Variants in ZMYM4 observed in about 807,000 individuals in gnomAD.
ZMYM4 encodes zinc finger MYM-type containing 4.
ZMYM4 carries 31 observed loss-of-function variants against 183.2 expected under a neutral mutation model. The ratio of observed to expected loss-of-function variants is 0.17; its 90% CI spans 0.13 to 0.23. The LOEUF (loss-of-function observed/expected upper bound fraction) is 0.23. Ranked by LOEUF, ZMYM4 falls within the 10% of genes least tolerant of loss-of-function variation. The pLI is 1.00. For synonymous variants in ZMYM4, 592 were observed against 631.2 expected, an observed-to-expected ratio of 0.94 and a Z score of 0.93; for missense variants, 1,273 against 1,840.3, an observed-to-expected ratio of 0.69 and a Z score of 5.64.
At chr1:35,280,613 CA>C (rs1244674426) in intron 1 of ZMYM4, among the ~76,000 whole-genome samples, 1 of 152,198 alleles carries the variant, frequency 6.6e-6, no homozygotes, top group Non-Finnish European at 1.5e-5. Context: ...TTGGCAAGGC[CA>C]TGCTTTCTCT....
At chr1:35,358,572 G>T (rs1643879205) in intron 2 of ZMYM4, among the ~76,000 whole-genome samples, 1 of 152,108 alleles carries the variant, frequency 6.6e-6, no homozygotes, top group Non-Finnish European at 1.5e-5. Flanking sequence ...GTATTATGCT[G>T]TTGTATAGAT....
At chr1:35,369,357 A>G (rs2148931937) in intron 5 of ZMYM4, among the ~76,000 whole-genome samples, 1 of 152,278 alleles carries the variant, frequency 6.6e-6, no homozygotes, top group Admixed American at 6.5e-5. Flanking sequence ...GAAATCATTG[A>G]AATAAAAACA....
intron 1 of ZMYM4, among the ~76,000 whole-genome samples, chr1:35,309,630 G>A (rs1015657378): frequency 6.6e-6 from 1 of 152,058 alleles, no homozygotes; most frequent in Non-Finnish European, 1.5e-5. Flanking sequence ...GGGATAGGTT[G>A]GGGAAAGCAG....
rs780820274 is a variant in ZMYM4 at position 35,398,904 on chromosome 1, A to G, written c.3294A>G (p.Ala1098=). The part of the protein sequence containing the change: ...STYSGDLESE[A]VSTPHSWEEE... The stretch of plus-strand genomic sequence containing the variant: ...ACAGTGGTGATCTTGAATCAGAGGC[A>G]GTATCTACTCCACATAGCTGGGAGG... Residue 1098 remains alanine, a synonymous_variant, in exon 22 of 30, where the codon GCA becomes GCG. Transcript: ENST00000314607. The G allele has an allele frequency of 3.8e-5, 61 of 1,614,162 alleles. No homozygotes were observed. The East Asian group carries it at 1.4e-3, about 36-fold the overall frequency.
Position 35,408,017 on chromosome 1 carries a change from T to C in ZMYM4, c.3806T>C (p.Ile1269Thr), listed in dbSNP as rs1440755126. Residue 1269 changes from isoleucine to threonine, a missense_variant, in exon 26 of 30, where the codon ATC becomes ACC. Physicochemically the swap from Ile to Thr is moderately conservative, Grantham distance 89. Transcript: ENST00000314607. The part of the protein sequence containing the change: ...SSEPGCRVRS[I>T]KLKEDILSCT... ...TTCTACCTTTCCACAGTCCGCTCTATCAAGCTGAAGGAAGACATTCTGTCC... is the reference window on the plus strand; with the variant it reads ...TTCTACCTTTCCACAGTCCGCTCTACCAAGCTGAAGGAAGACATTCTGTCC... 8 of 1,614,112 alleles carry C rather than the reference T, an allele frequency of 5.0e-6. No homozygotes were observed. Among genetic ancestry groups the C allele is most frequent in the Admixed American group, 1.7e-5 (1 of 60,006 alleles).
chr1:35,287,504 G>C (rs1640560821), intron 1 of ZMYM4, among the ~76,000 whole-genome samples: 1 of 152,056 alleles, frequency 6.6e-6, no homozygotes, highest in African/African-American at 2.4e-5. Flanking sequence ...GTCTACAACT[G>C]AACTCCTACT....
At position 35,284,949 on chromosome 1, in the gene ZMYM4, T is replaced by A. The variant is rs536587442; in HGVS notation, c.39+15864T>A. Among the ~76,000 whole-genome samples the A allele has an allele frequency of 5.9e-5, 9 of 152,322 alleles. No homozygotes were observed. In the South Asian group the frequency reaches 8.3e-4, roughly 14 times the overall value. On this transcript the variant is annotated intron_variant, in intron 1 of 29. Transcript: ENST00000314607. ...GGGGGTTAAGGCTTCAACATATGAA[T>A]CTGGGGAGGAGGGATACAAACATTC...
intron 7 of ZMYM4, among the ~76,000 whole-genome samples, chr1:35,373,229 T>C (rs1310175416): frequency 6.7e-6 from 1 of 149,538 alleles, no homozygotes; most frequent in African/African-American, 2.5e-5. Flanking sequence ...TAAATAAATA[T>C]ATATATATGC....
chr1:35,375,509 C>T (rs554975596), intron 7 of ZMYM4, among the ~76,000 whole-genome samples: 105 of 152,204 alleles, frequency 6.9e-4, no homozygotes, highest in Admixed American at 6.5e-4. Context: ...AGAAATCATT[C>T]CCCATAAGAA....
At position 35,269,033 on chromosome 1, in the gene ZMYM4, G is replaced by C; in HGVS notation, c.-14G>C. The C allele has an allele frequency of 6.5e-7, 1 of 1,541,882 alleles. No homozygotes were observed. The highest frequency in any genetic ancestry group is 2.5e-5 in the East Asian group (1 of 40,124). The stretch of plus-strand genomic sequence containing the variant: ...CCGCGCGGGGAGCCGCAGCGGTTCC[G>C]AGCGGGGCCCAACATGGCGGAGAGA... On this transcript the variant is annotated 5_prime_UTR_variant, in exon 1 of 30. Coordinates refer to ENST00000314607, the MANE Select transcript of ZMYM4 (RefSeq NM_005095.3).
intron 1 of ZMYM4, among the ~76,000 whole-genome samples, chr1:35,283,487 A>G (rs1049345827): frequency 6.6e-6 from 1 of 150,658 alleles, no homozygotes; most frequent in African/African-American, 2.4e-5. Context: ...ACAGGCGCCC[A>G]CCACCACACC....
chr1:35,328,324 T>G (rs1642590845), intron 2 of ZMYM4, among the ~76,000 whole-genome samples: 2 of 152,182 alleles, frequency 1.3e-5, no homozygotes, highest in African/African-American at 4.8e-5. Context: ...TGCAGTTGCC[T>G]AGGCTGGAAT....
chr1:35,407,248 A>G (rs1183358045), intron 25 of ZMYM4, among the ~76,000 whole-genome samples: 1 of 152,132 alleles, frequency 6.6e-6, no homozygotes, highest in Non-Finnish European at 1.5e-5. Context: ...AGCCTGACCA[A>G]CATGGAGAAA....
chr1:35,373,566 T>G, intron 7 of ZMYM4, among the ~76,000 whole-genome samples: 1 of 146,332 alleles, frequency 6.8e-6, no homozygotes, highest in Non-Finnish European at 1.5e-5. Flanking sequence ...TTTTTTTTTT[T>G]GTATTTTCAG....
At chr1:35,283,023 G>C (rs1640266589) in intron 1 of ZMYM4, among the ~76,000 whole-genome samples, 1 of 69,488 alleles carries the variant, frequency 1.4e-5, no homozygotes, top group East Asian at 3.8e-4. Flanking sequence ...TTTTGAGACA[G>C]AGTGTTACTC....
intron 2 of ZMYM4, among the ~76,000 whole-genome samples, chr1:35,330,567 G>A (rs776370548): frequency 6.6e-6 from 1 of 152,146 alleles, no homozygotes; most frequent in Non-Finnish European, 1.5e-5. Flanking sequence ...TTCAAAGAAA[G>A]CTGGGAATAG....
At position 35,270,404 on chromosome 1, in the gene ZMYM4, G is replaced by A. The variant is rs913178218; in HGVS notation, c.39+1319G>A. Among the ~76,000 whole-genome samples the A allele has an allele frequency of 4.6e-5, 7 of 152,170 alleles. No individual in the cohort carries two copies. In the East Asian group the frequency reaches 1.2e-3, roughly 25 times the overall value. ...ATTAGGAAAATATTTTGAACTATCC[G>A]TCAATATTATAAAACTTACGGGGAG... On this transcript the variant is annotated intron_variant, in intron 1 of 29. Transcript: ENST00000314607.
At chr1:35,281,573 C>T (rs1300408879) in intron 1 of ZMYM4, among the ~76,000 whole-genome samples, 1 of 151,876 alleles carries the variant, frequency 6.6e-6, no homozygotes, top group Non-Finnish European at 1.5e-5. Flanking sequence ...TCATTCCACA[C>T]CGTATACATA....
In ZMYM4 at chr1:35,397,456, A is replaced by C. The variant is rs1644828935; in HGVS notation, c.3110A>C (p.Lys1037Thr). Residue 1037 changes from lysine to threonine, a missense_variant, in exon 20 of 30, where the codon AAG becomes ACG. Physicochemically the swap from Lys to Thr is moderately conservative, Grantham distance 78. Around this residue, in one of 6 missense-constraint regions of ZMYM4, gnomAD observed 290 missense variants for 353.3 expected, o/e 0.82. Coordinates refer to ENST00000314607, the MANE Select transcript of ZMYM4 (RefSeq NM_005095.3). ...GAGAGTATTGAAGACATTAAAGAAA[A>C]GCTTCCCACACATCCATTTGAAGCT... is the stretch of plus-strand genomic sequence containing the variant. The part of the protein sequence containing the change: ...VTESIEDIKE[K>T]LPTHPFEADL... The C allele has an allele frequency of 6.2e-7, 1 of 1,613,472 alleles. No individual in the cohort carries two copies. The highest frequency in any genetic ancestry group is 8.5e-7 in the Non-Finnish European group (1 of 1,179,706).
Sources: gnomAD v4.1 joint callset for allele counts (sites outside exome capture counted in the v4.1 genomes callset) on GRCh38, gnomAD v4.1.1 for gene constraint, gnomAD v4.1.1 regional missense constraint, MANE v1.5 for transcripts, NCBI Gene and HGNC (gene_info 2026-07-23, HGNC 2026-07-21) for gene names.